HDAC4: variants seen among roughly 807,000 people sequenced by gnomAD.
The protein encoded by HDAC4 is histone deacetylase A.
In HDAC4, 16 loss-of-function variants were observed where a neutral mutation model predicts 135.1. The observed-to-expected ratio is 0.12, with a 90% confidence interval of 0.08 to 0.18. The LOEUF is 0.18. Among genes scored for constraint, HDAC4 ranks in the 10% least tolerant of loss-of-function variants. The pLI, the probability that HDAC4 is intolerant of heterozygous loss-of-function variation, is 1.00. For synonymous variants in HDAC4, 685 were observed against 653.4 expected (o/e 1.05, Z -0.74); for missense variants, 1,143 against 1,511.8 (o/e 0.76, Z 4.05).
intron 2 of HDAC4, among the ~76,000 whole-genome samples, chr2:239,269,277 CCACACACATT>C: frequency 7.4e-6 from 1 of 134,492 alleles, no homozygotes; most frequent in South Asian, 2.2e-4. Flanking sequence ...ATTCACACAC[CCACACACATT>C]CACACACCCA....
chr2:239,360,695 G>A (rs1046798042), intron 1 of HDAC4, among the ~76,000 whole-genome samples: 13 of 151,814 alleles, frequency 8.6e-5, no homozygotes, highest in Admixed American at 4.6e-4. Context: ...GGGGACGCCC[G>A]AGCTCTACCT....
At chr2:239,093,633 C>G (rs963916008) in intron 17 of HDAC4, among the ~76,000 whole-genome samples, 1 of 152,254 alleles carries the variant, frequency 6.6e-6, no homozygotes, top group East Asian at 1.9e-4. Flanking sequence ...TCTCTGCCCG[C>G]GTCCACGTGG....
At chr2:239,294,636 T>C (rs2051742048) in intron 2 of HDAC4, among the ~76,000 whole-genome samples, 1 of 151,988 alleles carries the variant, frequency 6.6e-6, no homozygotes, top group South Asian at 2.1e-4. Flanking sequence ...CCAGAATTCC[T>C]CATGGCTGAG....
At chr2:239,180,581 ACTC>A (rs2044083923) in intron 4 of HDAC4, among the ~76,000 whole-genome samples, 1 of 152,086 alleles carries the variant, frequency 6.6e-6, no homozygotes, top group Admixed American at 6.5e-5. Flanking sequence ...GTAAGGTAAA[ACTC>A]CTCATTCTTC....
In HDAC4 at chr2:239,349,701, G is replaced by C. The variant is rs1001704779; in HGVS notation, c.22+2977C>G. Among the ~76,000 whole-genome samples, 1 of 152,248 alleles carries C rather than the reference G, an allele frequency of 6.6e-6. No individual in the cohort carries two copies. Among genetic ancestry groups the C allele is most frequent in the Non-Finnish European group, 1.5e-5 (1 of 68,044 alleles). ...TGGTATGCACGTGTTGGGCACAAGG[G>C]GTCCTGCCTCCCAAGGGACCTCCGG... is the stretch of plus-strand genomic sequence containing the variant. On this transcript the variant is annotated intron_variant, in intron 2 of 26. Coordinates refer to ENST00000543185, the MANE Select transcript of HDAC4 (RefSeq NM_001378414.1). The surrounding 1 kb of genome is among the most constrained non-coding windows in gnomAD (Gnocchi z 5.7).
intron 11 of HDAC4, among the ~76,000 whole-genome samples, chr2:239,130,351 A>G (rs1350394311): frequency 6.6e-6 from 1 of 152,178 alleles, no homozygotes; most frequent in Non-Finnish European, 1.5e-5. Flanking sequence ...AATGAGGCCT[A>G]AACAGTAGCA....
In HDAC4 at chr2:239,386,238, C is replaced by T. The variant is rs534987598; in HGVS notation, c.-220+14740G>A. 4.6e-5 allele frequency among the ~76,000 whole-genome samples: 7 copies of T among 151,934 alleles called. No homozygotes were observed. In the South Asian group the frequency reaches 1.3e-3, roughly 27 times the overall value. ...CCTGACTGTGCTGCTGGGGCTGGGG[C>T]GGCCGCACAGGGGGAGTCAAGGTCA... On this transcript the variant is annotated intron_variant, in intron 1 of 26. Coordinates refer to ENST00000543185, the MANE Select transcript of HDAC4 (RefSeq NM_001378414.1).
intron 16 of HDAC4, among the ~76,000 whole-genome samples, chr2:239,099,015 GA>G (rs1273829408): frequency 3.9e-5 from 6 of 152,226 alleles, no homozygotes; most frequent in Admixed American, 6.5e-5. Context: ...CGGAGAACAG[GA>G]ATGGTGCAAA....
rs535338045 is a variant in HDAC4 at position 239,235,431 on chromosome 2, G to C, written c.94+1162C>G. Reference sequence around the variant, plus strand: ...TCTAACTGGGGCACCGGAGGGCACAGGCGGCAGCAAAGGCTGACTGTCAAG... The same window carrying C: ...TCTAACTGGGGCACCGGAGGGCACACGCGGCAGCAAAGGCTGACTGTCAAG... On this transcript the variant is annotated intron_variant, in intron 3 of 26. Transcript: ENST00000543185. 1.2e-4 allele frequency among the ~76,000 whole-genome samples: 19 copies of C among 152,372 alleles called. No homozygotes were observed. The South Asian group carries it at 3.7e-3, about 30-fold the overall frequency.
intron 1 of HDAC4, among the ~76,000 whole-genome samples, chr2:239,372,824 C>CATA (rs1694729076): frequency 6.6e-6 from 1 of 152,218 alleles, no homozygotes; most frequent in South Asian, 2.1e-4. Flanking sequence ...CACACATGCT[C>CATA]ACAATGCACA....
At chr2:239,169,843 T>A (rs1201152834) in intron 5 of HDAC4, among the ~76,000 whole-genome samples, 1 of 152,182 alleles carries the variant, frequency 6.6e-6, no homozygotes, top group Non-Finnish European at 1.5e-5. Flanking sequence ...TCTGCAGCCA[T>A]GTCTGGAAGC....
chr2:239,359,566 T>C (rs1291451562), intron 1 of HDAC4, among the ~76,000 whole-genome samples: 3 of 152,180 alleles, frequency 2.0e-5, no homozygotes, highest in African/African-American at 7.2e-5. Context: ...TGGGGACCCC[T>C]TCCCAGAGCT....
intron 2 of HDAC4, among the ~76,000 whole-genome samples, chr2:239,343,696 TGCCCTGGCC>T (rs2125877967): frequency 6.6e-6 from 1 of 152,248 alleles, no homozygotes; most frequent in South Asian, 2.1e-4. Flanking sequence ...CTGCCCTGCC[TGCCCTGGCC>T]AGGGAGCTCA....
At chr2:239,100,132 A>AC (rs1198254416) in intron 16 of HDAC4, among the ~76,000 whole-genome samples, 2 of 151,902 alleles carry the variant, frequency 1.3e-5, no homozygotes, top group Non-Finnish European at 2.9e-5. Context: ...GGTCTTTCTT[A>AC]CCCCTGGTGG....
At chr2:239,067,042 G>C (rs1342559951) in intron 23 of HDAC4, 187 bp from the exon 24 acceptor site, 2 of 688,964 alleles carry the variant, frequency 2.9e-6, no homozygotes, top group East Asian at 5.5e-5. Context: ...TGATCTGTTT[G>C]AGAGGAGGAA....
intron 2 of HDAC4, among the ~76,000 whole-genome samples, chr2:239,248,164 A>C (rs2048574292): frequency 6.6e-6 from 1 of 151,564 alleles, no homozygotes; most frequent in Non-Finnish European, 1.5e-5. Flanking sequence ...CCTTGGGTTG[A>C]AAGACTTACT....
chr2:239,381,669 C>T (rs949802053), intron 1 of HDAC4, among the ~76,000 whole-genome samples: 7 of 152,202 alleles, frequency 4.6e-5, no homozygotes, highest in African/African-American at 1.7e-4. Flanking sequence ...GACTTAATGA[C>T]AAGAGAGCTT....
rs1575511038 is a variant in HDAC4, at chr2:239,245,646, G to A, written c.23-8982C>T. ...AAGTGGTCACGATGGAGAGCCTCAG[G>A]GATTTCCTGGCGGGAGGTGGCTGTG... On this transcript the variant is annotated intron_variant, in intron 2 of 26. Transcript: ENST00000543185. This position sits in a 1 kb window ranked among gnomAD's most constrained non-coding sequence, Gnocchi z 4.4. Among the ~76,000 whole-genome samples the A allele has an allele frequency of 6.6e-6, 1 of 152,074 alleles. No homozygotes were observed. Among genetic ancestry groups the A allele is most frequent in the East Asian group, 1.9e-4 (1 of 5,186 alleles).
intron 2 of HDAC4, among the ~76,000 whole-genome samples, chr2:239,290,728 G>A (rs1207177121): frequency 6.6e-6 from 1 of 151,870 alleles, no homozygotes; most frequent in African/African-American, 2.4e-5. Flanking sequence ...ACGCACTCAC[G>A]TACGCACACA....
Sources: gnomAD v4.1 joint callset for allele counts (sites outside exome capture counted in the v4.1 genomes callset) on GRCh38, gnomAD v4.1.1 for gene constraint, Gnocchi (gnomAD v3.1) non-coding constraint, MANE v1.5 for transcripts, NCBI Gene and HGNC (gene_info 2026-07-23, HGNC 2026-07-21) for gene names.